Variants in MACROD2 observed in about 807,000 individuals in gnomAD.
The protein encoded by MACROD2 is mono-ADP ribosylhydrolase 2.
In MACROD2, 36 loss-of-function variants were observed where a neutral mutation model predicts 70.4. The ratio of observed to expected loss-of-function variants is 0.51; its 90% confidence interval spans 0.39 to 0.68. The LOEUF (loss-of-function observed/expected upper bound fraction) is 0.68, where lower values mean the gene tolerates loss of function less well. MACROD2 is among the 30% of genes least tolerant of loss of function. MACROD2 has a pLI of 0.00. For missense variants in MACROD2, 496 were observed against 538.4 expected, an observed-to-expected ratio of 0.92 and a Z score of 0.78; for synonymous variants, 172 against 178.8, an observed-to-expected ratio of 0.96 and a Z score of 0.30.
chr20:14,397,954 T>TTGC (rs1274379417), intron 3 of MACROD2, among the ~76,000 whole-genome samples: 1 of 152,106 alleles, frequency 6.6e-6, no homozygotes, highest in Non-Finnish European at 1.5e-5. Context: ...AGCTTTTTTG[T>TTGC]TGTTGTTTCC....
Position 15,814,901 on chromosome 20 carries a change from A to G in MACROD2, c.646-47844A>G, listed in dbSNP as rs147495987. 1.1e-4 allele frequency among the ~76,000 whole-genome samples: 16 copies of G among 152,346 alleles called. No individual in the cohort carries two copies. In the East Asian group the frequency reaches 2.9e-3, roughly 28 times the overall value. On this transcript the variant is annotated intron_variant, in intron 8 of 17. Transcript: ENST00000684519. Reference sequence around the variant, plus strand: ...TAAATGTTTTATCAGATGAAGTGTGATGATTATGCCTTTGGCAGTGGAAAG... The same window carrying G: ...TAAATGTTTTATCAGATGAAGTGTGGTGATTATGCCTTTGGCAGTGGAAAG...
chr20:14,726,761 G>A (rs918344392), intron 5 of MACROD2, among the ~76,000 whole-genome samples: 6 of 144,438 alleles, frequency 4.2e-5, no homozygotes, highest in African/African-American at 1.8e-4. Context: ...CCAGGCACCT[G>A]CCTCCAGCTC....
intron 8 of MACROD2, among the ~76,000 whole-genome samples, chr20:15,562,252 T>G (rs2048254579): frequency 6.6e-6 from 1 of 152,158 alleles, no homozygotes; most frequent in Admixed American, 6.5e-5. Context: ...ACGTGAGGAT[T>G]TTACAGCTGT....
chr20:14,961,837 C>T (rs114322845), intron 5 of MACROD2, among the ~76,000 whole-genome samples: 2,416 of 152,198 alleles, frequency 0.016, 62 homozygotes, highest in African/African-American at 0.053. Flanking sequence ...AAAAAATATA[C>T]ACCTCTCTCA....
At chr20:14,043,138 T>C (rs1008332857) in intron 2 of MACROD2, among the ~76,000 whole-genome samples, 2 of 152,114 alleles carry the variant, frequency 1.3e-5, no homozygotes, top group Non-Finnish European at 2.9e-5. Flanking sequence ...TGGGCTGGTC[T>C]CAAACTCTTG....
intron 3 of MACROD2, among the ~76,000 whole-genome samples, chr20:14,359,099 G>A (rs1419137062): frequency 2.0e-5 from 3 of 151,952 alleles, no homozygotes. Flanking sequence ...GGGGTGAGAG[G>A]ATCACTTGAA....
chr20:15,672,694 C>G (rs569890405), intron 8 of MACROD2, among the ~76,000 whole-genome samples: 11 of 152,256 alleles, frequency 7.2e-5, no homozygotes, highest in African/African-American at 2.6e-4. Context: ...AGAACTTTCA[C>G]TGAGACTGTT....
chr20:15,214,299 A>G (rs896462902), intron 5 of MACROD2, among the ~76,000 whole-genome samples: 3 of 152,090 alleles, frequency 2.0e-5, no homozygotes, highest in African/African-American at 4.8e-5. Flanking sequence ...GTTTCTCAGA[A>G]CCTAAGAACT....
At chr20:15,286,731 A>G in intron 6 of MACROD2, among the ~76,000 whole-genome samples, 1 of 152,176 alleles carries the variant, frequency 6.6e-6, no homozygotes, top group East Asian at 1.9e-4. Context: ...TCAGATTGAG[A>G]TCATCTAAGT....
intron 5 of MACROD2, among the ~76,000 whole-genome samples, chr20:15,164,390 G>A (rs1468074726): frequency 6.6e-6 from 1 of 152,088 alleles, no homozygotes; most frequent in Admixed American, 6.6e-5. Context: ...AAGGTGGGAA[G>A]GAGAGAGGCC....
At chr20:14,501,027 T>G (rs1385782255) in intron 4 of MACROD2, among the ~76,000 whole-genome samples, 1 of 147,288 alleles carries the variant, frequency 6.8e-6, no homozygotes, top group Non-Finnish European at 1.5e-5. Context: ...CTTCAAGTGA[T>G]TTCTAAATGA....
intron 8 of MACROD2, among the ~76,000 whole-genome samples, chr20:15,724,865 G>A (rs1049771680): frequency 6.6e-6 from 1 of 152,046 alleles, no homozygotes; most frequent in African/African-American, 2.4e-5. Flanking sequence ...GGCGGATCAC[G>A]AGGTCAGGAG....
intron 2 of MACROD2, among the ~76,000 whole-genome samples, chr20:14,049,174 T>TAAATAA: frequency 1.4e-5 from 1 of 69,800 alleles, no homozygotes; most frequent in South Asian, 5.5e-4. Context: ...ATATATTTAA[T>TAAATAA]AAAAAAAAAA....
At chr20:14,238,941 C>T (rs542234406) in intron 3 of MACROD2, among the ~76,000 whole-genome samples, 15 of 147,144 alleles carry the variant, frequency 1.0e-4, no homozygotes, top group Non-Finnish European at 1.6e-4. Flanking sequence ...GCAGGAGAAT[C>T]GCTTGAACCT....
At chr20:15,612,536 A>G (rs553426906) in intron 8 of MACROD2, among the ~76,000 whole-genome samples, 2 of 152,322 alleles carry the variant, frequency 1.3e-5, no homozygotes, top group African/African-American at 2.4e-5. Flanking sequence ...TTTTTAAAAA[A>G]CATATTCATA....
intron 5 of MACROD2, among the ~76,000 whole-genome samples, chr20:14,889,887 A>G (rs2073731287): frequency 6.6e-6 from 1 of 152,122 alleles, no homozygotes; most frequent in Non-Finnish European, 1.5e-5. Flanking sequence ...AGTAATCTGT[A>G]TGGGGAGGAT....
intron 5 of MACROD2, among the ~76,000 whole-genome samples, chr20:14,863,061 G>C (rs1158578823): frequency 6.6e-6 from 1 of 151,930 alleles, no homozygotes; most frequent in Non-Finnish European, 1.5e-5. Context: ...GTATTCACTA[G>C]CCATTCTCCA....
At chr20:15,396,013 A>T (rs1331699903) in intron 6 of MACROD2, among the ~76,000 whole-genome samples, 1 of 152,232 alleles carries the variant, frequency 6.6e-6, no homozygotes, top group Non-Finnish European at 1.5e-5. Context: ...ACGTACATCA[A>T]GGAGGGAATC....
intron 4 of MACROD2, among the ~76,000 whole-genome samples, chr20:14,525,147 A>G (rs2085216387): frequency 6.6e-6 from 1 of 152,150 alleles, no homozygotes; most frequent in African/African-American, 2.4e-5. Context: ...TATTAGCTAT[A>G]TTGGTGTTTA....
Sources: allele counts gnomAD v4.1 joint callset (sites outside exome capture counted in the v4.1 genomes callset), GRCh38; gene constraint gnomAD v4.1.1; transcripts MANE v1.5; gene names NCBI Gene and HGNC (gene_info 2026-07-23, HGNC 2026-07-21).